The following ELP1 variants were observed in gnomAD, a reference collection of about 807,000 sequenced individuals.
ELP1 encodes the protein elongator acetyltransferase complex subunit 1.
In ELP1, 131 loss-of-function variants were observed where a neutral mutation model predicts 183.2. That is an observed-to-expected ratio of 0.72 (90% CI 0.62 to 0.83). The LOEUF (loss-of-function observed/expected upper bound fraction) is 0.83. ELP1 is among the 40% of genes least tolerant of loss of function. ELP1 has a pLI of 0.00. For synonymous variants in ELP1, 555 were observed against 569.0 expected (o/e 0.98, Z 0.35); for missense variants, 1,550 against 1,594.9 (o/e 0.97, Z 0.48).
intron 31 of ELP1, among the ~76,000 whole-genome samples, chr9:108,880,790 G>A (rs1042589105): frequency 1.3e-5 from 2 of 152,214 alleles, no homozygotes; most frequent in Admixed American, 6.5e-5. Context: ...TATTATAGAT[G>A]AGGAATGATG....
At chr9:108,898,079 T>C (rs1828624245) in intron 22 of ELP1, among the ~76,000 whole-genome samples, 1 of 152,194 alleles carries the variant, frequency 6.6e-6, no homozygotes, top group Non-Finnish European at 1.5e-5. Flanking sequence ...AATGAGAATG[T>C]GTATACAGAA....
At chr9:108,904,443 AAAAGAGAC>A (rs1220935541) in intron 14 of ELP1, among the ~76,000 whole-genome samples, 8 of 152,200 alleles carry the variant, frequency 5.3e-5, no homozygotes, top group African/African-American at 1.9e-4. Context: ...AAAAAAAGAA[AAAAGAGAC>A]AAAGAAGTAG....
At chr9:108,871,828 C>G (rs1238567050) in intron 36 of ELP1, among the ~76,000 whole-genome samples, 2 of 152,208 alleles carry the variant, frequency 1.3e-5, no homozygotes, top group Non-Finnish European at 2.9e-5. Flanking sequence ...ATAAAAGCTG[C>G]ATCTTCAATA....
intron 9 of ELP1, among the ~76,000 whole-genome samples, chr9:108,917,241 G>A (rs1829470719): frequency 6.6e-6 from 1 of 152,202 alleles, no homozygotes; most frequent in African/African-American, 2.4e-5. Context: ...GCAGAGGCGG[G>A]TGGATCACCT....
In ELP1 at chr9:108,879,497, C is replaced by T. The variant is rs143008686; in HGVS notation, c.3521G>A (p.Ser1174Asn). 4 of 1,614,208 alleles carry T rather than the reference C, an allele frequency of 2.5e-6. No individual in the cohort carries two copies. Among genetic ancestry groups the T allele is most frequent in the Non-Finnish European group, 3.4e-6 (4 of 1,180,036 alleles). Residue 1174 changes from serine (S) to asparagine (N), a missense_variant, in exon 33 of 37, where the codon AGT becomes AAT. Coordinates refer to ENST00000374647, the MANE Select transcript of ELP1 (RefSeq NM_003640.5). ...GTATTTGCCACTCATCTCACTGCCA[C>T]TCACGACACTGCTAGTTTCAGAGAA... is the stretch of plus-strand genomic sequence containing the variant. ...DLFSETSSVV[S>N]GSEMSGKYSH...
intron 35 of ELP1, among the ~76,000 whole-genome samples, chr9:108,877,103 C>T (rs191948231): frequency 0.011 from 1,606 of 152,300 alleles, 11 homozygotes; most frequent in Non-Finnish European, 0.017. Flanking sequence ...ACGCTTGGAA[C>T]CAGCTCCCTC....
chr9:108,879,588 A>G (rs775137313), intron 32 of ELP1, 31 bp from the exon 33 acceptor site: 2 of 1,481,938 alleles, frequency 1.3e-6, no homozygotes, highest in Non-Finnish European at 1.9e-6. Flanking sequence ...GCCGATGAAA[A>G]CACTGCCTGC....
At position 108,868,536 on chromosome 9, in the gene ELP1, T is replaced by C. The variant is rs772683091; in HGVS notation, c.*579A>G. The C allele has an allele frequency of 4.3e-4, 187 of 432,122 alleles. 2 individuals carry two copies. The highest frequency in any genetic ancestry group is 6.4e-4 in the Non-Finnish European group (158 of 246,762). 26.8% of individuals were successfully genotyped at this position (432,122 alleles called of 1,614,324 possible). A position where few individuals can be genotyped will look rare whatever the true frequency, so the allele number is the denominator to read the frequency against. On this transcript the variant is annotated 3_prime_UTR_variant, in exon 37 of 37. Coordinates refer to ENST00000374647, the MANE Select transcript of ELP1 (RefSeq NM_003640.5). ...TACACAGGCAGTAAAACAGTCCCTA[T>C]AGACATTGTAATTATAGGAGGCTCA...
intron 10 of ELP1, among the ~76,000 whole-genome samples, chr9:108,912,733 T>A (rs1230364885): frequency 6.6e-6 from 1 of 151,844 alleles, no homozygotes; most frequent in East Asian, 1.9e-4. Flanking sequence ...TTTTTAACTT[T>A]TATTCATATG....
At chr9:108,870,002 G>T (rs1049470395) in intron 36 of ELP1, among the ~76,000 whole-genome samples, 8 of 151,822 alleles carry the variant, frequency 5.3e-5, no homozygotes, top group African/African-American at 1.5e-4. Flanking sequence ...TTGAGACAGG[G>T]TCTCATTTTG....
At chr9:108,931,562 T>C (rs1305561959) in intron 1 of ELP1, among the ~76,000 whole-genome samples, 1 of 152,202 alleles carries the variant, frequency 6.6e-6, no homozygotes, top group Non-Finnish European at 1.5e-5. Context: ...CTTTATAAAA[T>C]CATGAGGAAA....
At chr9:108,882,827 A>G (rs1827984163) in intron 29 of ELP1, among the ~76,000 whole-genome samples, 1 of 152,026 alleles carries the variant, frequency 6.6e-6, no homozygotes, top group Non-Finnish European at 1.5e-5. Flanking sequence ...TCCTAGCCTC[A>G]AGCAATCCTC....
rs1210683221 is a variant in ELP1, at chr9:108,900,360, A to C, written c.2030T>G (p.Leu677Arg). Residue 677 changes from leucine (L) to arginine (R), a missense_variant, in exon 19 of 37, where the codon CTG becomes CGG. Transcript: ENST00000374647. ...CCCATGGGACACATGATTGCTGCTC[A>C]GGCCGGCCTGTAATGCTAAACACAC... ...DASFKTLQAG[L>R]SSNHVSHGEV... is the part of the protein sequence containing the mutation. 1 of 1,614,068 alleles carries C rather than the reference A, an allele frequency of 6.2e-7. No individual in the cohort carries two copies. Among genetic ancestry groups the C allele is most frequent in the Admixed American group, 1.7e-5 (1 of 60,022 alleles).
intron 5 of ELP1, among the ~76,000 whole-genome samples, chr9:108,925,508 T>C (rs1404543409): frequency 6.6e-6 from 1 of 152,052 alleles, no homozygotes; most frequent in African/African-American, 2.4e-5. Flanking sequence ...TCCAAACCCT[T>C]ATCCCTCACC....
rs1394478274 is a variant in ELP1 at position 108,918,902 on chromosome 9, C to CTG, written c.650-3_650-2dup. ...TTCCACACTCTGACCTTCCGAGCCC[C>CTG]TGTGCGGGAGTGGAGTCAAACACAC... On this transcript the variant is annotated splice_acceptor_variant, in intron 7 of 36. Transcript: ENST00000374647. LOFTEE classifies it high-confidence loss of function. 1.5e-5 allele frequency: 24 copies of CTG among 1,613,268 alleles called. No homozygotes were observed. The highest frequency in any genetic ancestry group is 1.6e-5 in the Non-Finnish European group (19 of 1,179,296).
intron 4 of ELP1, 44 bp from the exon 5 acceptor site, chr9:108,926,647 A>G: frequency 6.6e-7 from 1 of 1,505,860 alleles, no homozygotes; most frequent in Non-Finnish European, 9.1e-7. Flanking sequence ...TCATGTAACA[A>G]ATTTGCCATT....
chr9:108,887,384 G>A (rs185258927), intron 29 of ELP1, among the ~76,000 whole-genome samples: 1 of 152,064 alleles, frequency 6.6e-6, no homozygotes, highest in Non-Finnish European at 1.5e-5. Flanking sequence ...AAAAAGTATT[G>A]ATTGTAAGAA....
intron 9 of ELP1, 24 bp downstream of exon 9, chr9:108,917,523 G>A (rs538897509): frequency 6.2e-7 from 1 of 1,612,956 alleles, no homozygotes; most frequent in South Asian, 1.1e-5. Context: ...TACATTCGAG[G>A]GTGAAACAAA....
At chr9:108,882,055 C>T in intron 30 of ELP1, 70 bp downstream of exon 30, 1 of 1,282,620 alleles carries the variant, frequency 7.8e-7, no homozygotes, top group Non-Finnish European at 1.1e-6. Flanking sequence ...GAGATTCCAA[C>T]TGACCTGGAA....
Sources: allele counts gnomAD v4.1 joint callset (sites outside exome capture counted in the v4.1 genomes callset), GRCh38; gene constraint gnomAD v4.1.1; transcripts MANE v1.5; gene names NCBI Gene and HGNC (gene_info 2026-07-23, HGNC 2026-07-21).